USP48: variants seen among roughly 807,000 people sequenced by gnomAD.
USP48 encodes the protein ubiquitin specific peptidase 48.
In USP48, 43 loss-of-function variants were observed where a neutral mutation model predicts 150.7. The ratio of observed to expected loss-of-function variants is 0.29; its 90% confidence interval spans 0.22 to 0.37. The LOEUF (loss-of-function observed/expected upper bound fraction) is 0.37, where lower values mean the gene tolerates loss of function less well. Among genes scored for constraint, USP48 ranks in the 10% least tolerant of loss-of-function variants. USP48 has a pLI of 1.00. For missense variants in USP48, 813 were observed against 1,249.6 expected (o/e 0.65, Z 5.27); for synonymous variants, 396 against 425.9 (o/e 0.93, Z 0.86).
chr1:21,722,764 G>T (rs1222314836), intron 12 of USP48, among the ~76,000 whole-genome samples: 1 of 152,074 alleles, frequency 6.6e-6, no homozygotes, highest in African/African-American at 2.4e-5. Context: ...AGCCTGAGGA[G>T]GTTGAAGCTG....
intron 1 of USP48, chr1:21,781,874 A>G (rs906966253): frequency 6.6e-6 from 1 of 152,198 alleles, no homozygotes; most frequent in East Asian, 1.9e-4. Context: ...AGTCAGATTT[A>G]CCCTCCTTGT....
chr1:21,715,919 T>G (rs2097702864), intron 14 of USP48, among the ~76,000 whole-genome samples: 2 of 152,210 alleles, frequency 1.3e-5, no homozygotes, highest in Non-Finnish European at 2.9e-5. Context: ...TCAGGGCATA[T>G]GTTCTAAGAC....
chr1:21,721,884 A>C, intron 12 of USP48, 120 bp from the exon 13 acceptor site: 1 of 605,360 alleles, frequency 1.7e-6, no homozygotes, highest in Non-Finnish European at 2.7e-6. Context: ...AAATGTTGGC[A>C]ATATGGCAAA....
intron 1 of USP48, among the ~76,000 whole-genome samples, chr1:21,765,901 C>CAA (rs199539331): frequency 1.5e-4 from 17 of 112,144 alleles, no homozygotes; most frequent in African/African-American, 4.9e-4. Flanking sequence ...ACTCCATCTC[C>CAA]AAAAAAAAAA....
At chr1:21,777,062 C>A (rs1364746221) in intron 1 of USP48, among the ~76,000 whole-genome samples, 1 of 151,904 alleles carries the variant, frequency 6.6e-6, no homozygotes, top group African/African-American at 2.4e-5. Flanking sequence ...TTGCAGTGAG[C>A]CAAGATTGCG....
chr1:21,728,335 A>C, intron 11 of USP48: 1 of 1,276,162 alleles, frequency 7.8e-7, no homozygotes, highest in East Asian at 3.1e-5. Flanking sequence ...GTGCTGACCT[A>C]AATGTTATAA....
At chr1:21,717,648 A>C (rs967523835) in intron 14 of USP48, among the ~76,000 whole-genome samples, 1 of 152,034 alleles carries the variant, frequency 6.6e-6, no homozygotes, top group Non-Finnish European at 1.5e-5. Context: ...CTAACTTCCT[A>C]TATCAGGCTG....
At chr1:21,747,498 G>T (rs2097797275) in intron 7 of USP48, among the ~76,000 whole-genome samples, 1 of 151,976 alleles carries the variant, frequency 6.6e-6, no homozygotes, top group African/African-American at 2.4e-5. Context: ...GGGGTGTAAT[G>T]AGTACAAAAT....
intron 11 of USP48, among the ~76,000 whole-genome samples, chr1:21,725,362 G>C (rs972082761): frequency 2.5e-4 from 38 of 152,254 alleles, no homozygotes; most frequent in African/African-American, 9.1e-4. Flanking sequence ...ATGTTGTTGA[G>C]TATAAAAGAT....
chr1:21,688,894 T>TC (rs2097588096), intron 24 of USP48, among the ~76,000 whole-genome samples: 1 of 142,668 alleles, frequency 7.0e-6, no homozygotes, highest in Non-Finnish European at 1.5e-5. Flanking sequence ...ATCTACTAAA[T>TC]CCAAAACCAA....
intron 24 of USP48, among the ~76,000 whole-genome samples, chr1:21,688,949 T>C (rs1215338999): frequency 6.6e-6 from 1 of 151,970 alleles, no homozygotes; most frequent in African/African-American, 2.4e-5. Flanking sequence ...GTATTTTGAC[T>C]GTTGTGACAG....
At chr1:21,765,882 C>A (rs1343250621) in intron 1 of USP48, among the ~76,000 whole-genome samples, 14 of 116,958 alleles carry the variant, frequency 1.2e-4, no homozygotes, top group East Asian at 2.5e-4. Flanking sequence ...GCCTGGGCAA[C>A]AAAGTGAGAC....
intron 3 of USP48, among the ~76,000 whole-genome samples, chr1:21,755,076 C>G (rs974271574): frequency 2.6e-5 from 4 of 152,134 alleles, no homozygotes; most frequent in African/African-American, 7.2e-5. Flanking sequence ...TAATCAATTC[C>G]TCATTTCTCT....
chr1:21,752,676 A>G (rs761080992), intron 4 of USP48, 25 bp from the exon 5 acceptor site: 6 of 1,571,898 alleles, frequency 3.8e-6, no homozygotes, highest in East Asian at 2.2e-5. Flanking sequence ...TAATGAAAAG[A>G]AAAATCATAT....
At chr1:21,705,925 ATATAT>A in intron 18 of USP48, 88 bp from the exon 19 acceptor site, 2 of 1,182,528 alleles carry the variant, frequency 1.7e-6, no homozygotes, top group Non-Finnish European at 2.4e-6. Context: ...AAAATCAGAG[ATATAT>A]TTAAGAAAAT....
intron 17 of USP48, 121 bp downstream of exon 17, chr1:21,706,346 T>G (rs1244810966): frequency 6.6e-7 from 1 of 1,524,342 alleles, no homozygotes; most frequent in African/African-American, 1.4e-5. Context: ...ATCCCCTGGT[T>G]AGATAACTAA....
rs145720214 is a variant in USP48, at chr1:21,782,886, C to A, written c.72G>T (p.Ser24=). ...WAETVRPEEV[S]QEHIETAYRI... Reference sequence around the variant, plus strand: ...GGTAAGCGGTCTCGATGTGCTCCTGCGACACCTCCTCGGGCCGCACCGTCT... The same window carrying A: ...GGTAAGCGGTCTCGATGTGCTCCTGAGACACCTCCTCGGGCCGCACCGTCT... Residue 24 remains serine (S), a synonymous_variant, in exon 1 of 27, where the codon TCG becomes TCT. Coordinates refer to ENST00000308271, the MANE Select transcript of USP48 (RefSeq NM_032236.8). The A allele has an allele frequency of 1.3e-5, 20 of 1,557,194 alleles. No homozygotes were observed. The highest frequency in any genetic ancestry group is 3.8e-5 in the Admixed American group (2 of 52,060).
At chr1:21,737,825 T>C (rs568393457) in intron 8 of USP48, among the ~76,000 whole-genome samples, 4 of 152,282 alleles carry the variant, frequency 2.6e-5, no homozygotes, top group African/African-American at 7.2e-5. Context: ...TTATTTAAAC[T>C]GGTAATGTTT....
At chr1:21,705,694 G>GA (rs767699890) in intron 19 of USP48, 33 bp downstream of exon 19, 1,025 of 1,444,828 alleles carry the variant, frequency 7.1e-4, no homozygotes, top group Admixed American at 1.4e-3. Flanking sequence ...GAGAAAAGAA[G>GA]AAAAAAAAAT....
Sources: gnomAD v4.1 joint callset for allele counts (sites outside exome capture counted in the v4.1 genomes callset) on GRCh38, gnomAD v4.1.1 for gene constraint, MANE v1.5 for transcripts, NCBI Gene and HGNC (gene_info 2026-07-23, HGNC 2026-07-21) for gene names.